The following EVI5 variants were observed in gnomAD, a reference collection of about 807,000 sequenced individuals.
EVI5 encodes the protein ecotropic viral integration site 5 protein homolog.
Under a neutral mutation model 112.0 loss-of-function variants are expected in EVI5, and 73 were observed. The ratio of observed to expected loss-of-function variants is 0.65; its 90% CI spans 0.54 to 0.79. The LOEUF is 0.79. EVI5 is among the 30% of genes least tolerant of loss of function. The pLI is 0.00. For missense variants in EVI5, 900 were observed against 968.8 expected, an observed-to-expected ratio of 0.93 and a Z score of 0.94; for synonymous variants, 305 against 319.9, an observed-to-expected ratio of 0.95 and a Z score of 0.50.
upstream of EVI5, among the ~76,000 whole-genome samples, chr1:92,786,477 C>T (rs1036509230): frequency 1.3e-5 from 2 of 152,030 alleles, no homozygotes; most frequent in African/African-American, 2.4e-5. Flanking sequence ...TGTACCTCTC[C>T]CCTCTTATAT....
chr1:92,766,203 A>G (rs1570855560), intron 1 of EVI5, among the ~76,000 whole-genome samples: 1 of 151,300 alleles, frequency 6.6e-6, no homozygotes, highest in Non-Finnish European at 1.5e-5. Context: ...TGCACCTAAA[A>G]TTGTTATACC....
At chr1:92,780,173 C>T (rs1424859524) in intron 1 of EVI5, among the ~76,000 whole-genome samples, 1 of 152,224 alleles carries the variant, frequency 6.6e-6, no homozygotes, top group Non-Finnish European at 1.5e-5. Context: ...CTTTGCTGGG[C>T]ATTCATTCGC....
chr1:92,792,349 T>A lies in EVI5; in HGVS notation c.46A>T (p.Lys16Ter). The A allele has an allele frequency of 1.9e-6, 3 of 1,601,854 alleles. No individual in the cohort carries two copies. The highest frequency in any genetic ancestry group is 2.6e-6 in the Non-Finnish European group (3 of 1,168,892). Residue 16 changes from lysine (K) to a stop codon, truncating the protein, a stop_gained, in exon 1 of 18, where the codon AAA becomes TAA. Transcript: ENST00000370331. LOFTEE classifies it high-confidence loss of function. ...ACATCGTTTTACACATTTACCTGTT[T>A]CCCACTAGGGTTTCTAAAGGCAGCA...
chr1:92,607,076 G>A (rs1557887088), intron 17 of EVI5, among the ~76,000 whole-genome samples: 3 of 152,016 alleles, frequency 2.0e-5, no homozygotes. Context: ...AAAAAGTAAA[G>A]TATATAACTG....
intron 13 of EVI5, among the ~76,000 whole-genome samples, chr1:92,643,101 A>G (rs1037589784): frequency 7.2e-5 from 11 of 152,156 alleles, no homozygotes; most frequent in African/African-American, 2.7e-4. Flanking sequence ...CATTAGCAGG[A>G]GTCAGATGTG....
rs1001309324 is a variant in EVI5 at position 92,511,087 on chromosome 1, CATCT to C, written c.*2565_*2568del. Reference sequence around the variant, plus strand: ...TGTAGAGCTTGTAAGTGTTGATACTCATCTATCTATCTGTATATATATTCAGGAA... The same window carrying C: ...TGTAGAGCTTGTAAGTGTTGATACTCATCTATCTGTATATATATTCAGGAA... On this transcript the variant is annotated 3_prime_UTR_variant, in exon 20 of 20. Coordinates refer to ENST00000684568, the MANE Select transcript of EVI5 (RefSeq NM_001350197.2). 4.7e-5 allele frequency: 7 copies of C among 150,126 alleles called. No homozygotes were observed. The highest frequency in any genetic ancestry group is 1.0e-4 in the Non-Finnish European group (7 of 67,344). 9.3% of individuals were successfully genotyped at this position (150,126 alleles called of 1,614,324 possible). A position where few individuals can be genotyped will look rare whatever the true frequency, so the allele number is the denominator to read the frequency against.
intron 18 of EVI5, among the ~76,000 whole-genome samples, chr1:92,569,484 T>C (rs1375340067): frequency 1.3e-5 from 2 of 152,198 alleles, no homozygotes; most frequent in South Asian, 2.1e-4. Context: ...TAATGACTCA[T>C]ATTAAACACA....
intron 2 of EVI5, among the ~76,000 whole-genome samples, chr1:92,723,430 A>G (rs1675061719): frequency 6.6e-6 from 1 of 152,206 alleles, no homozygotes; most frequent in Admixed American, 6.5e-5. Context: ...ATCAGTTCCC[A>G]AAATTAATAC....
chr1:92,547,956 C>CA (rs1666061261), intron 19 of EVI5, among the ~76,000 whole-genome samples: 1 of 152,148 alleles, frequency 6.6e-6, no homozygotes, highest in South Asian at 2.1e-4. Flanking sequence ...GAAACTATTC[C>CA]AATCAATAGA....
At chr1:92,585,834 G>GCCTT (rs1279823398) in intron 18 of EVI5, among the ~76,000 whole-genome samples, 1 of 149,606 alleles carries the variant, frequency 6.7e-6, no homozygotes, top group Admixed American at 6.6e-5. Context: ...GATTTCCTTT[G>GCCTT]CCTTTGTTTT....
At chr1:92,586,606 CTGTGTGTGTGTGTGTGTGTGTGTG>C (rs61310991) in intron 18 of EVI5, among the ~76,000 whole-genome samples, 1 of 72,762 alleles carries the variant, frequency 1.4e-5, no homozygotes, top group African/African-American at 4.3e-5. Context: ...TTTTTTTTGG[CTGTGTGTGTGTGTGTGTGTGTGTG>C]TGTGTGTGTG....
At chr1:92,743,052 A>C (rs1678665913) in intron 1 of EVI5, among the ~76,000 whole-genome samples, 1 of 152,214 alleles carries the variant, frequency 6.6e-6, no homozygotes, top group African/African-American at 2.4e-5. Flanking sequence ...ACTATTATTC[A>C]GCCTTAAAAA....
chr1:92,687,088 C>T, intron 9 of EVI5, among the ~76,000 whole-genome samples: 1 of 152,138 alleles, frequency 6.6e-6, no homozygotes, highest in Non-Finnish European at 1.5e-5. Context: ...CCGAAACAAT[C>T]CTAAGCAAAA....
At chr1:92,578,205 A>G (rs112401038) in intron 18 of EVI5, among the ~76,000 whole-genome samples, 10 of 152,184 alleles carry the variant, frequency 6.6e-5, no homozygotes, top group South Asian at 4.2e-4. Flanking sequence ...ATTTCTCTAG[A>G]TGCTCTTCTC....
chr1:92,662,927 T>C, intron 12 of EVI5, 62 bp from the exon 13 acceptor site: 7 of 949,886 alleles, frequency 7.4e-6, no homozygotes, highest in Non-Finnish European at 9.2e-6. Flanking sequence ...AGACTGCCTT[T>C]GTGAGGTTTA....
At chr1:92,646,855 C>T (rs1661061310) in intron 13 of EVI5, among the ~76,000 whole-genome samples, 2 of 152,316 alleles carry the variant, frequency 1.3e-5, no homozygotes, top group East Asian at 1.9e-4. Flanking sequence ...TCCAGACACA[C>T]ATGACCACTT....
chr1:92,685,559 G>A (rs1313296307), intron 9 of EVI5, among the ~76,000 whole-genome samples: 4 of 152,126 alleles, frequency 2.6e-5, no homozygotes, highest in Non-Finnish European at 4.4e-5. Flanking sequence ...GATCAGAGCA[G>A]AACTGAAGGA....
At chr1:92,741,536 G>C (rs575051913) in intron 1 of EVI5, among the ~76,000 whole-genome samples, 5 of 152,126 alleles carry the variant, frequency 3.3e-5, no homozygotes, top group Admixed American at 2.0e-4. Flanking sequence ...TTTTCGAAAA[G>C]GGCCTTCAAA....
At chr1:92,529,174 T>C (rs556948851) in intron 19 of EVI5, among the ~76,000 whole-genome samples, 8 of 152,302 alleles carry the variant, frequency 5.3e-5, no homozygotes, top group Middle Eastern at 3.4e-3. Context: ...CCTCTTCATA[T>C]AGACCCATAA....
Sources: allele counts gnomAD v4.1 joint callset (sites outside exome capture counted in the v4.1 genomes callset), GRCh38; gene constraint gnomAD v4.1.1; transcripts MANE v1.5; gene names NCBI Gene and HGNC (gene_info 2026-07-23, HGNC 2026-07-21).